PRKCQ: variants seen among roughly 807,000 people sequenced by gnomAD.
PRKCQ encodes protein kinase C theta.
Under a neutral mutation model 91.2 loss-of-function variants are expected in PRKCQ, and 41 were observed. The observed-to-expected ratio is 0.45, with a 90% CI of 0.35 to 0.58. The LOEUF (loss-of-function observed/expected upper bound fraction) is 0.58, where lower values mean the gene tolerates loss of function less well. Among genes scored for constraint, PRKCQ ranks in the 20% least tolerant of loss-of-function variants. The probability of loss-of-function intolerance (pLI) is 0.00; values close to 1 mark genes in which losing one functional copy is unlikely to be tolerated. For missense variants in PRKCQ, 673 were observed against 896.5 expected (o/e 0.75, Z 3.18); for synonymous variants, 307 against 316.9 (o/e 0.97, Z 0.33).
At chr10:6,558,943 G>A (rs987865687) in intron 1 of PRKCQ, among the ~76,000 whole-genome samples, 1 of 152,138 alleles carries the variant, frequency 6.6e-6, no homozygotes, top group East Asian at 1.9e-4. Context: ...CACGCGCAGA[G>A]AGGCAGGTCC....
intron 17 of PRKCQ, among the ~76,000 whole-genome samples, chr10:6,429,568 C>T (rs561693162): frequency 1.3e-5 from 2 of 152,188 alleles, no homozygotes; most frequent in South Asian, 4.1e-4. Context: ...ATGAGCCTGG[C>T]CCCCTTCAGC....
intron 1 of PRKCQ, among the ~76,000 whole-genome samples, chr10:6,532,586 G>T (rs980789592): frequency 1.2e-4 from 18 of 152,138 alleles, no homozygotes; most frequent in African/African-American, 4.3e-4. Context: ...ACCCAATCTT[G>T]TCTGAAACGT....
chr10:6,474,638 A>G (rs1836172536), intron 12 of PRKCQ, among the ~76,000 whole-genome samples: 1 of 152,206 alleles, frequency 6.6e-6, no homozygotes, highest in Non-Finnish European at 1.5e-5. Flanking sequence ...CTTTTACTGC[A>G]GCATAACTAA....
intron 1 of PRKCQ, among the ~76,000 whole-genome samples, chr10:6,577,738 C>T (rs7100232): frequency 2.0e-5 from 3 of 152,084 alleles, no homozygotes; most frequent in Non-Finnish European, 4.4e-5. Context: ...TTAGGGGCAA[C>T]AACATAATCA....
intron 1 of PRKCQ, among the ~76,000 whole-genome samples, chr10:6,549,165 T>C (rs746926156): frequency 4.6e-5 from 7 of 152,200 alleles, no homozygotes; most frequent in Non-Finnish European, 8.8e-5. Context: ...GAACATCTAG[T>C]TGTACACAAA....
At chr10:6,538,262 G>T (rs1316287483) in intron 1 of PRKCQ, among the ~76,000 whole-genome samples, 1 of 152,254 alleles carries the variant, frequency 6.6e-6, no homozygotes, top group Admixed American at 6.5e-5. Flanking sequence ...CTTGGAGGCG[G>T]CATTGTCAGA....
At chr10:6,481,233 T>C (rs985068781) in intron 11 of PRKCQ, among the ~76,000 whole-genome samples, 12 of 152,214 alleles carry the variant, frequency 7.9e-5, no homozygotes, top group Admixed American at 6.5e-4. Context: ...CTTAATGTCT[T>C]CCTTATTAAC....
chr10:6,519,285 C>A (rs606289), intron 1 of PRKCQ, among the ~76,000 whole-genome samples: 15,245 of 152,198 alleles, frequency 0.1, 987 homozygotes, highest in Middle Eastern at 0.23. Flanking sequence ...GTCCTCTGTG[C>A]ACTCTAAATT....
chr10:6,577,835 TTAAA>T (rs1247143632), intron 1 of PRKCQ, among the ~76,000 whole-genome samples: 2 of 152,196 alleles, frequency 1.3e-5, no homozygotes, highest in Non-Finnish European at 2.9e-5. Context: ...TATACCATAA[TTAAA>T]TAACACGTTA....
rs1439927030 is a variant in PRKCQ at position 6,430,458 on chromosome 10, T to C, written c.1965+352A>G. On this transcript the variant is annotated intron_variant, in intron 17 of 17. Transcript: ENST00000263125. The surrounding 1 kb of genome is among the most constrained non-coding windows in gnomAD (Gnocchi z 4.7). ...GCAGGGTTTATGTCCAAGTTTGGGT[T>C]ACCCAGACTGGACCATTAAGTACGT... is the stretch of plus-strand genomic sequence containing the variant. 1.3e-5 allele frequency among the ~76,000 whole-genome samples: 2 copies of C among 152,214 alleles called. No homozygotes were observed. The highest frequency in any genetic ancestry group is 3.9e-4 in the East Asian group (2 of 5,192).
intron 1 of PRKCQ, among the ~76,000 whole-genome samples, chr10:6,520,402 T>C (rs942976096): frequency 1.3e-5 from 2 of 152,294 alleles, no homozygotes; most frequent in Non-Finnish European, 2.9e-5. Flanking sequence ...TTACCCTGCC[T>C]CCTCTGTCCA....
chr10:6,543,841 T>C (rs1450712633), intron 1 of PRKCQ, among the ~76,000 whole-genome samples: 2 of 152,190 alleles, frequency 1.3e-5, no homozygotes, highest in African/African-American at 4.8e-5. Flanking sequence ...GCATCCTTCC[T>C]GGCTGGGATG....
downstream of PRKCQ, among the ~76,000 whole-genome samples, chr10:6,422,174 ATAATAC>A (rs1833022558): frequency 6.6e-6 from 1 of 152,224 alleles, no homozygotes; most frequent in African/African-American, 2.4e-5. Context: ...CAATAAAATA[ATAATAC>A]TATGTTAGTG....
At chr10:6,405,547 C>T in the PRKCQ span, among the ~76,000 whole-genome samples, 5 of 152,196 alleles carry the variant, frequency 3.3e-5, no homozygotes, top group Admixed American at 6.5e-5. Context: ...GGAACTCCAG[C>T]GCCCCGCAAG....
intron 12 of PRKCQ, among the ~76,000 whole-genome samples, chr10:6,474,290 G>A (rs1235530055): frequency 1.3e-5 from 2 of 152,132 alleles, no homozygotes; most frequent in African/African-American, 2.4e-5. Flanking sequence ...AAACCACGGC[G>A]GCCTGCCCTC....
rs1838681383 is a variant in PRKCQ at position 6,515,013 on chromosome 10, C to A, written c.118+5G>T. 6.2e-7 allele frequency: 1 copy of A among 1,612,984 alleles called. No homozygotes were observed. Among genetic ancestry groups the A allele is most frequent in the African/African-American group, 1.3e-5 (1 of 74,954 alleles). On this transcript the variant is annotated splice_donor_5th_base_variant and intron_variant, in intron 2 of 17. Transcript: ENST00000263125. The stretch of plus-strand genomic sequence containing the variant: ...CCCCCGCTTTGAAAATCCCCTCAAG[C>A]TTACCTGATTCGACATACTCTTTGA...
At chr10:6,478,396 G>A (rs1392339626) in intron 12 of PRKCQ, among the ~76,000 whole-genome samples, 1 of 152,170 alleles carries the variant, frequency 6.6e-6, no homozygotes, top group Non-Finnish European at 1.5e-5. Flanking sequence ...GAAAGAAAAG[G>A]ATAATTTTTG....
At chr10:6,532,530 C>G (rs1209268351) in intron 1 of PRKCQ, among the ~76,000 whole-genome samples, 4 of 151,978 alleles carry the variant, frequency 2.6e-5, no homozygotes, top group Non-Finnish European at 5.9e-5. Context: ...CGAATGCACC[C>G]AATCTTGACA....
chr10:6,396,507 A>G, the PRKCQ span, among the ~76,000 whole-genome samples: 19 of 152,354 alleles, frequency 1.2e-4, no homozygotes, highest in African/African-American at 4.3e-4. Context: ...CTTCCATTAG[A>G]TATTTCACAT....
Sources: gnomAD v4.1 joint callset for allele counts (sites outside exome capture counted in the v4.1 genomes callset) on GRCh38, gnomAD v4.1.1 for gene constraint, Gnocchi (gnomAD v3.1) non-coding constraint, MANE v1.5 for transcripts, NCBI Gene and HGNC (gene_info 2026-07-23, HGNC 2026-07-21) for gene names.